PTPRN2: variants seen among roughly 807,000 people sequenced by gnomAD.
PTPRN2 encodes receptor-type tyrosine-protein phosphatase N2.
Under a neutral mutation model 118.8 loss-of-function variants are expected in PTPRN2, and 74 were observed. That is an observed-to-expected ratio of 0.62 (90% confidence interval 0.52 to 0.76). The LOEUF is 0.76. Among genes scored for constraint, PTPRN2 ranks in the 30% least tolerant of loss-of-function variants. The probability of loss-of-function intolerance (pLI) is 0.00; values close to 1 mark genes in which losing one functional copy is unlikely to be tolerated. For synonymous variants in PTPRN2, 641 were observed against 608.0 expected (o/e 1.05, Z -0.80); for missense variants, 1,481 against 1,394.4 (o/e 1.06, Z -0.99).
chr7:158,406,318 A>G (rs574169776), intron 2 of PTPRN2, among the ~76,000 whole-genome samples: 51 of 125,800 alleles, frequency 4.1e-4, no homozygotes, highest in African/African-American at 1.6e-3. Context: ...TTGGCTGCAC[A>G]CTGAGATCCC....
At chr7:157,630,062 A>G (rs899831402) in intron 14 of PTPRN2, among the ~76,000 whole-genome samples, 1 of 152,232 alleles carries the variant, frequency 6.6e-6, no homozygotes, top group African/African-American at 2.4e-5. Flanking sequence ...TTGAATTCCA[A>G]AAGTAGGACA....
intron 12 of PTPRN2, among the ~76,000 whole-genome samples, chr7:157,698,259 C>A (rs774402879): frequency 4.3e-4 from 65 of 152,260 alleles, no homozygotes; most frequent in Non-Finnish European, 8.2e-4. Flanking sequence ...AATATGAATT[C>A]TTTACTTAAA....
At chr7:157,821,396 G>A (rs1806830671) in intron 12 of PTPRN2, among the ~76,000 whole-genome samples, 1 of 152,212 alleles carries the variant, frequency 6.6e-6, no homozygotes, top group African/African-American at 2.4e-5. Context: ...GTCATGGAGG[G>A]AGGTGGTGTC....
At chr7:157,963,078 G>A (rs553880947) in intron 11 of PTPRN2, among the ~76,000 whole-genome samples, 30 of 152,346 alleles carry the variant, frequency 2.0e-4, no homozygotes, top group Non-Finnish European at 2.9e-4. Flanking sequence ...CTCAGCCAGC[G>A]CAGCGCCCAG....
At chr7:157,867,606 C>T (rs185269052) in intron 12 of PTPRN2, among the ~76,000 whole-genome samples, 1,918 of 149,894 alleles carry the variant, frequency 0.013, 22 homozygotes, top group South Asian at 0.028. Context: ...GTCCCTGACG[C>T]CCTGGATACA....
In PTPRN2 at chr7:158,066,813, C is replaced by T. The variant is rs1417991591; in HGVS notation, c.1723+14485G>A. On this transcript the variant is annotated intron_variant, in intron 11 of 22. Transcript: ENST00000389418. ...GGATGTGACACAAAGGACTGGTCCT[C>T]GTGACTTGAGCACATCCCTGGGACA... 5.9e-5 allele frequency among the ~76,000 whole-genome samples: 9 copies of T among 151,978 alleles called. No homozygotes were observed. In the East Asian group the frequency reaches 1.2e-3, roughly 20 times the overall value.
At chr7:158,379,883 A>AAC (rs2151340816) in intron 2 of PTPRN2, among the ~76,000 whole-genome samples, 1 of 152,296 alleles carries the variant, frequency 6.6e-6, no homozygotes, top group East Asian at 1.9e-4. Flanking sequence ...ATCATGGTGG[A>AAC]AGGCAAAGAG....
At chr7:158,145,498 C>T (rs372295869) in intron 6 of PTPRN2, among the ~76,000 whole-genome samples, 14 of 152,358 alleles carry the variant, frequency 9.2e-5, no homozygotes, top group South Asian at 6.2e-4. Context: ...AACTGGCAGG[C>T]ATCCACCCTT....
chr7:157,682,636 G>A, intron 13 of PTPRN2, 89 bp downstream of exon 13: 2 of 1,304,908 alleles, frequency 1.5e-6, no homozygotes, highest in Non-Finnish European at 2.2e-6. Context: ...CAACTGCTGG[G>A]AATGGAGGAG....
At chr7:158,257,614 T>A (rs1351211516) in intron 3 of PTPRN2, among the ~76,000 whole-genome samples, 1 of 152,108 alleles carries the variant, frequency 6.6e-6, no homozygotes, top group Admixed American at 6.5e-5. Context: ...CAGCGAGAAA[T>A]GTCTGAGCCC....
chr7:157,914,148 CCTCCT>C (rs1295455347), intron 11 of PTPRN2, among the ~76,000 whole-genome samples: 1 of 152,004 alleles, frequency 6.6e-6, no homozygotes, highest in Non-Finnish European at 1.5e-5. Flanking sequence ...TTTATGATTC[CCTCCT>C]CTCTTTTTTA....
At position 158,570,876 on chromosome 7, in the gene PTPRN2, A is replaced by G. The variant is rs951575088; in HGVS notation, c.112+16682T>C. 1.3e-5 allele frequency among the ~76,000 whole-genome samples: 2 copies of G among 152,162 alleles called. No homozygotes were observed. The highest frequency in any genetic ancestry group is 4.1e-4 in the South Asian group (2 of 4,826). On this transcript the variant is annotated intron_variant, in intron 1 of 22. Transcript: ENST00000389418. This position sits in a 1 kb window ranked among gnomAD's most constrained non-coding sequence, Gnocchi z 4.5. ...AAGCCCGACATTGTGGAAAGACACA[A>G]ACGTGCATGGACCTGGTTACCTCTG... is the stretch of plus-strand genomic sequence containing the variant.
intron 12 of PTPRN2, among the ~76,000 whole-genome samples, chr7:157,819,814 ACACT>A (rs1184731382): frequency 1.3e-5 from 2 of 151,752 alleles, no homozygotes; most frequent in African/African-American, 4.9e-5. Context: ...CACGCAAAAC[ACACT>A]CACACATGCG....
At chr7:157,662,938 C>T (rs1289078208) in intron 13 of PTPRN2, among the ~76,000 whole-genome samples, 1 of 152,118 alleles carries the variant, frequency 6.6e-6, no homozygotes, top group Non-Finnish European at 1.5e-5. Flanking sequence ...CACGGCTCAG[C>T]CACGTTCACG....
At chr7:158,373,940 C>T (rs1188894550) in intron 2 of PTPRN2, among the ~76,000 whole-genome samples, 1 of 152,214 alleles carries the variant, frequency 6.6e-6, no homozygotes, top group East Asian at 1.9e-4. Context: ...GCATGGATAA[C>T]TCTCAAATGC....
At chr7:157,762,442 T>C (rs1459843663) in intron 12 of PTPRN2, among the ~76,000 whole-genome samples, 3 of 151,990 alleles carry the variant, frequency 2.0e-5, no homozygotes, top group Non-Finnish European at 4.4e-5. Flanking sequence ...ATGTCCTTTG[T>C]AGGGACATGG....
rs115241363 is a variant in PTPRN2 at position 157,816,994 on chromosome 7, G to C, written c.1788+81679C>G. ...ATGGGCTGCCGACCACATGCCTCTG[G>C]CCTCCGGCCAGTCTCGGGCCATTTG... On this transcript the variant is annotated intron_variant, in intron 12 of 22. Coordinates refer to ENST00000389418, the MANE Select transcript of PTPRN2 (RefSeq NM_002847.5). Among the ~76,000 whole-genome samples the C allele has an allele frequency of 4.7e-3, 714 of 152,318 alleles. 5 individuals are homozygous for C. The highest frequency in any genetic ancestry group is 0.016 in the African/African-American group (678 of 41,558).
At chr7:157,848,172 G>A (rs1293029533) in intron 12 of PTPRN2, among the ~76,000 whole-genome samples, 1 of 147,564 alleles carries the variant, frequency 6.8e-6, no homozygotes, top group African/African-American at 2.5e-5. Flanking sequence ...TACATCGTGT[G>A]TGCCTGATGT....
chr7:158,247,996 C>A (rs561095653), intron 3 of PTPRN2, among the ~76,000 whole-genome samples: 6 of 152,104 alleles, frequency 3.9e-5, no homozygotes, highest in African/African-American at 1.4e-4. Flanking sequence ...TTTATCCCCC[C>A]ATTATTAGGG....
Sources: allele counts gnomAD v4.1 joint callset (sites outside exome capture counted in the v4.1 genomes callset), GRCh38; gene constraint gnomAD v4.1.1; non-coding constraint Gnocchi (gnomAD v3.1); transcripts MANE v1.5; gene names NCBI Gene and HGNC (gene_info 2026-07-23, HGNC 2026-07-21).